The following HSD17B12 variants were observed in gnomAD, a reference collection of about 807,000 sequenced individuals.
The protein encoded by HSD17B12 is hydroxysteroid 17-beta dehydrogenase 12, also known as very-long-chain 3-oxoacyl-CoA reductase.
HSD17B12 carries 32 observed loss-of-function variants against 39.3 expected under a neutral mutation model. That is an observed-to-expected ratio of 0.81 (90% CI 0.61 to 1.09). The LOEUF (loss-of-function observed/expected upper bound fraction) is 1.09, where lower values mean the gene tolerates loss of function less well. HSD17B12 is among the 50% of genes least tolerant of loss of function. The pLI is 0.00. For synonymous variants in HSD17B12, 150 were observed against 146.7 expected (o/e 1.02, Z -0.16); for missense variants, 342 against 382.9 (o/e 0.89, Z 0.89).
At chr11:43,565,150 T>C in the HSD17B12 span, among the ~76,000 whole-genome samples, 3 of 152,218 alleles carry the variant, frequency 2.0e-5, no homozygotes, top group Admixed American at 6.5e-5. Context: ...TCCACCTGCG[T>C]TGGCCTCCCA....
At chr11:43,680,538 T>G (rs2134732034), upstream of HSD17B12, 2 of 441,004 alleles carry the variant, frequency 4.5e-6, no homozygotes, top group Admixed American at 4.1e-5. Context: ...GGCGCCTCGG[T>G]GGGGTGAGAC....
chr11:43,782,463 C>A (rs945083109), intron 3 of HSD17B12, among the ~76,000 whole-genome samples: 2 of 152,052 alleles, frequency 1.3e-5, no homozygotes, highest in Non-Finnish European at 1.5e-5. Context: ...GGAGGATTAC[C>A]TGAGGTCAGG....
At chr11:43,733,788 C>T in intron 1 of HSD17B12, 1 of 703,426 alleles carries the variant, frequency 1.4e-6, no homozygotes, top group African/African-American at 1.8e-5. Flanking sequence ...AGTCCATTGG[C>T]AAGTTTGGCC....
chr11:43,681,536 G>A (rs1056007290), intron 1 of HSD17B12, among the ~76,000 whole-genome samples: 1 of 152,008 alleles, frequency 6.6e-6, no homozygotes, highest in African/African-American at 2.4e-5. Flanking sequence ...GATAGTAATC[G>A]TATCTGGATT....
chr11:43,678,828 A>G (rs1312823156), upstream of HSD17B12, among the ~76,000 whole-genome samples: 1 of 152,004 alleles, frequency 6.6e-6, no homozygotes, highest in Non-Finnish European at 1.5e-5. Context: ...TGCTGTTTTG[A>G]TTACTGTAGC....
chr11:43,750,804 A>T, intron 1 of HSD17B12, 107 bp from the exon 2 acceptor site: 1 of 682,358 alleles, frequency 1.5e-6, no homozygotes, highest in Middle Eastern at 3.5e-4. Flanking sequence ...TGTCTTTTAC[A>T]TCAAAGTGTC....
At chr11:43,827,258 C>A (rs1406205928) in intron 6 of HSD17B12, among the ~76,000 whole-genome samples, 1 of 152,106 alleles carries the variant, frequency 6.6e-6, no homozygotes, top group Non-Finnish European at 1.5e-5. Context: ...TTAATGTAAT[C>A]TTTTAATTTG....
rs539830573 is a variant in HSD17B12 at position 43,846,032 on chromosome 11, C to T, written c.684+5968C>T. Among the ~76,000 whole-genome samples the T allele has an allele frequency of 3.9e-5, 6 of 152,338 alleles. No individual in the cohort carries two copies. The South Asian group carries it at 1.2e-3, about 32-fold the overall frequency. On this transcript the variant is annotated intron_variant, in intron 9 of 10. Coordinates refer to ENST00000278353, the MANE Select transcript of HSD17B12 (RefSeq NM_016142.3). ...CCAGGCTGTGGTTTTATGAAAACTG[C>T]ATTGGTCATCGGTGTGCCTTGAGGC...
intron 1 of HSD17B12, among the ~76,000 whole-genome samples, chr11:43,706,016 A>G (rs1950011426): frequency 6.6e-6 from 1 of 151,960 alleles, no homozygotes; most frequent in Non-Finnish European, 1.5e-5. Flanking sequence ...TGGTGGGGAA[A>G]TGTACCATCC....
At chr11:43,779,887 T>A (rs1950747837) in intron 3 of HSD17B12, among the ~76,000 whole-genome samples, 1 of 151,946 alleles carries the variant, frequency 6.6e-6, no homozygotes. Flanking sequence ...CTGTTTATCA[T>A]CCTGGTATCT....
intron 3 of HSD17B12, among the ~76,000 whole-genome samples, chr11:43,786,688 A>G (rs932078833): frequency 6.6e-6 from 1 of 152,226 alleles, no homozygotes; most frequent in African/African-American, 2.4e-5. Context: ...TTCAAAATTT[A>G]AAAAACAACA....
chr11:43,587,731 T>C, the HSD17B12 span, among the ~76,000 whole-genome samples: 1 of 152,202 alleles, frequency 6.6e-6, no homozygotes, highest in South Asian at 2.1e-4. Context: ...GGCTAAGTAT[T>C]CTTGGTAAAG....
At chr11:43,578,587 C>G in the HSD17B12 span, among the ~76,000 whole-genome samples, 1 of 152,212 alleles carries the variant, frequency 6.6e-6, no homozygotes, top group Admixed American at 6.5e-5. Context: ...GCGGCCTCCT[C>G]GTCATTCACT....
intron 1 of HSD17B12, among the ~76,000 whole-genome samples, chr11:43,719,918 A>C (rs1404328180): frequency 6.6e-6 from 1 of 152,122 alleles, no homozygotes; most frequent in East Asian, 1.9e-4. Context: ...TTTCTTTAAA[A>C]CTTTGAGAGT....
At chr11:43,714,317 G>C (rs1388678764) in intron 1 of HSD17B12, among the ~76,000 whole-genome samples, 2 of 152,198 alleles carry the variant, frequency 1.3e-5, no homozygotes, top group African/African-American at 4.8e-5. Context: ...GTAAGGAAGG[G>C]ATCCAGTTTC....
chr11:43,657,937 T>C, the HSD17B12 span, among the ~76,000 whole-genome samples: 1 of 151,844 alleles, frequency 6.6e-6, no homozygotes, highest in African/African-American at 2.4e-5. Context: ...TCCTGAATGT[T>C]GGCCTGCCTT....
intron 1 of HSD17B12, among the ~76,000 whole-genome samples, chr11:43,724,790 C>T (rs966242615): frequency 4.6e-5 from 7 of 152,022 alleles, no homozygotes; most frequent in Admixed American, 1.3e-4. Context: ...ACATTCAGAC[C>T]GTAACAGAGA....
At chr11:43,813,334 G>C (rs1017135487) in intron 4 of HSD17B12, among the ~76,000 whole-genome samples, 1 of 152,006 alleles carries the variant, frequency 6.6e-6, no homozygotes, top group Non-Finnish European at 1.5e-5. Flanking sequence ...TAATTACACT[G>C]TTCAATTTTC....
intron 1 of HSD17B12, among the ~76,000 whole-genome samples, chr11:43,738,908 A>G (rs1950339922): frequency 6.6e-6 from 1 of 152,254 alleles, no homozygotes; most frequent in Non-Finnish European, 1.5e-5. Flanking sequence ...AACAAAAAGA[A>G]AAAAACTAGA....
Sources: gnomAD v4.1 joint callset for allele counts (sites outside exome capture counted in the v4.1 genomes callset) on GRCh38, gnomAD v4.1.1 for gene constraint, MANE v1.5 for transcripts, NCBI Gene and HGNC (gene_info 2026-07-23, HGNC 2026-07-21) for gene names.